LGI2: variants seen among roughly 807,000 people sequenced by gnomAD.
The protein encoded by LGI2 is leucine rich repeat LGI family member 2.
LGI2 carries 30 observed loss-of-function variants against 52.0 expected under a neutral mutation model. The ratio of observed to expected loss-of-function variants is 0.58; its 90% CI spans 0.43 to 0.78. The LOEUF (loss-of-function observed/expected upper bound fraction) is 0.78, where lower values mean the gene tolerates loss of function less well. LGI2 is among the 30% of genes least tolerant of loss of function. The pLI is 0.00. For synonymous variants in LGI2, 270 were observed against 271.8 expected (o/e 0.99, Z 0.06); for missense variants, 573 against 692.5 (o/e 0.83, Z 1.94).
intron 7 of LGI2, among the ~76,000 whole-genome samples, chr4:25,011,338 C>T (rs1322477479): frequency 1.3e-5 from 2 of 152,192 alleles, no homozygotes; most frequent in East Asian, 1.9e-4. Flanking sequence ...AAGAGCGTTA[C>T]TCTCCGGAAG....
Position 25,000,397 on chromosome 4 carries a change from C to A in LGI2, c.*3054G>T. The A allele has an allele frequency of 6.6e-6, 1 of 152,592 alleles. No individual in the cohort carries two copies. The highest frequency in any genetic ancestry group is 1.5e-5 in the Non-Finnish European group (1 of 68,324). 9.5% of individuals were successfully genotyped at this position (152,592 alleles called of 1,614,324 possible). ...CTCTCTGAAATTAGAATAATACCTG[C>A]CCTGCAATAAACTTCAGAGCTATTT... On this transcript the variant is annotated 3_prime_UTR_variant, in exon 8 of 8. Transcript: ENST00000382114.
intron 6 of LGI2, among the ~76,000 whole-genome samples, chr4:25,017,239 T>C (rs1725796515): frequency 6.6e-6 from 1 of 152,132 alleles, no homozygotes; most frequent in South Asian, 2.1e-4. Context: ...AAGTCATTTG[T>C]GGGTTTAAAA....
At chr4:25,009,448 A>T (rs1462120656) in intron 7 of LGI2, among the ~76,000 whole-genome samples, 2 of 151,966 alleles carry the variant, frequency 1.3e-5, no homozygotes, top group Non-Finnish European at 2.9e-5. Context: ...CAAGCCTTCA[A>T]ATCTTCCCAC....
At chr4:25,020,175 G>A (rs1725910457) in intron 4 of LGI2, among the ~76,000 whole-genome samples, 1 of 152,218 alleles carries the variant, frequency 6.6e-6, no homozygotes, top group Non-Finnish European at 1.5e-5. Context: ...CAACCGATCA[G>A]AATGTGTAGG....
chr4:25,019,164 T>C lies in LGI2; in HGVS notation c.485+3A>G, dbSNP rs758423635. 6.3e-7 allele frequency: 1 copy of C among 1,576,764 alleles called. No individual in the cohort carries two copies. Among genetic ancestry groups the C allele is most frequent in the Non-Finnish European group, 8.7e-7 (1 of 1,148,242 alleles). ...CACACATAAACTAAATTTCATTACTTACAGTTCAATCAGAGAGTCTAAATC... is the reference window on the plus strand; with the variant it reads ...CACACATAAACTAAATTTCATTACTCACAGTTCAATCAGAGAGTCTAAATC... On this transcript the variant is annotated splice_donor_region_variant and intron_variant, in intron 5 of 7. Coordinates refer to ENST00000382114, the MANE Select transcript of LGI2 (RefSeq NM_018176.4).
intron 7 of LGI2, 111 bp downstream of exon 7, chr4:25,012,224 A>G (rs1465888993): frequency 8.2e-6 from 10 of 1,220,954 alleles, no homozygotes; most frequent in Non-Finnish European, 1.2e-5. Context: ...CCCCAGCTCT[A>G]ACCAGGTTAG....
intron 6 of LGI2, among the ~76,000 whole-genome samples, chr4:25,014,022 A>G (rs536544440): frequency 4.8e-4 from 73 of 152,312 alleles, no homozygotes; most frequent in African/African-American, 1.3e-3. Context: ...TTTTCTGGGG[A>G]TATAAAAAGA....
chr4:25,007,599 GTGTGT>G (rs1725434546), intron 7 of LGI2, among the ~76,000 whole-genome samples: 1 of 151,390 alleles, frequency 6.6e-6, no homozygotes, highest in Non-Finnish European at 1.5e-5. Context: ...GTGTGTGTGT[GTGTGT>G]GTGTGTGTGT....
At chr4:25,024,738 A>T in intron 4 of LGI2, 82 bp downstream of exon 4, 1 of 910,794 alleles carries the variant, frequency 1.1e-6, no homozygotes, top group Non-Finnish European at 1.7e-6. Flanking sequence ...AGGGACAGTT[A>T]CAGCCAAGAA....
At chr4:25,026,794 C>G in intron 3 of LGI2, 74 bp downstream of exon 3, 2 of 1,179,430 alleles carry the variant, frequency 1.7e-6, no homozygotes, top group South Asian at 2.4e-5. Context: ...AGATGCTGTT[C>G]CAGCACAGAA....
At chr4:25,024,141 A>G (rs1478817850) in intron 4 of LGI2, among the ~76,000 whole-genome samples, 1 of 152,202 alleles carries the variant, frequency 6.6e-6, no homozygotes, top group Non-Finnish European at 1.5e-5. Context: ...CTCACAGATT[A>G]TTATGAAAGA....
chr4:24,993,753 TTC>T, the LGI2 span, among the ~76,000 whole-genome samples: 1 of 152,244 alleles, frequency 6.6e-6, no homozygotes, highest in Non-Finnish European at 1.5e-5. Context: ...TTGTCTATGA[TTC>T]CATGCTTAGA....
chr4:25,014,478 C>T (rs1187332140), intron 6 of LGI2, among the ~76,000 whole-genome samples: 1 of 40,068 alleles, frequency 2.5e-5, no homozygotes, highest in Non-Finnish European at 3.8e-5. Flanking sequence ...CCACCCCCGC[C>T]CCCGCCAAAA....
chr4:25,014,866 A>C (rs978359994), intron 6 of LGI2, among the ~76,000 whole-genome samples: 1 of 149,280 alleles, frequency 6.7e-6, no homozygotes, highest in Admixed American at 6.7e-5. Flanking sequence ...AGAGAGAGAG[A>C]GAGAGAATGA....
At chr4:25,016,164 A>T (rs1490978809) in intron 6 of LGI2, among the ~76,000 whole-genome samples, 1 of 151,968 alleles carries the variant, frequency 6.6e-6, no homozygotes, top group Non-Finnish European at 1.5e-5. Context: ...TCACTTTTAT[A>T]ACTATCCTCA....
At chr4:25,024,723 C>T in intron 4 of LGI2, 97 bp downstream of exon 4, 1 of 766,770 alleles carries the variant, frequency 1.3e-6, no homozygotes, top group Non-Finnish European at 2.1e-6. Flanking sequence ...AAATTCATTT[C>T]CTTCAGGGAC....
chr4:25,030,688 C>T lies in LGI2; in HGVS notation c.6G>A (p.Ala2=), dbSNP rs1726314671. The part of the protein sequence containing the change: M[A]LRRGGCGALG... ...GCGCTCCGCAGCCGCCTCTCCGCAGCGCCATGCCCGGTCCCCGCTCCCCGC... is the reference window on the plus strand; with the variant it reads ...GCGCTCCGCAGCCGCCTCTCCGCAGTGCCATGCCCGGTCCCCGCTCCCCGC... The change falls in exon 1 of 8, where the codon GCG becomes GCA. Residue 2 remains alanine (A), a synonymous_variant. Transcript: ENST00000382114. 2 of 1,374,350 alleles carry T rather than the reference C, an allele frequency of 1.5e-6. No individual in the cohort carries two copies. The highest frequency in any genetic ancestry group is 9.3e-7 in the Non-Finnish European group (1 of 1,070,446). The allele number at this position is 1,374,350 out of a possible 1,614,324, so 85.1% of individuals were successfully genotyped here.
intron 5 of LGI2, among the ~76,000 whole-genome samples, chr4:25,018,847 G>A (rs558175409): frequency 2.7e-5 from 4 of 150,816 alleles, no homozygotes; most frequent in African/African-American, 7.4e-5. Context: ...GGGCAACAGA[G>A]CAAGACTACA....
In LGI2 at chr4:25,017,973, G is replaced by T; in HGVS notation, c.655+16C>A. On this transcript the variant is annotated intron_variant, in intron 6 of 7. Coordinates refer to ENST00000382114, the MANE Select transcript of LGI2 (RefSeq NM_018176.4). ...TATTCTAAATATCCGTGTCTGATGAGATAGGCTCTGAATACCTGTAGTTGT... is the reference window on the plus strand; with the variant it reads ...TATTCTAAATATCCGTGTCTGATGATATAGGCTCTGAATACCTGTAGTTGT... The T allele has an allele frequency of 6.3e-7, 1 of 1,593,050 alleles. No individual in the cohort carries two copies. Among genetic ancestry groups the T allele is most frequent in the Non-Finnish European group, 8.5e-7 (1 of 1,171,792 alleles).
Sources: allele counts gnomAD v4.1 joint callset (sites outside exome capture counted in the v4.1 genomes callset), GRCh38; gene constraint gnomAD v4.1.1; transcripts MANE v1.5; gene names NCBI Gene and HGNC (gene_info 2026-07-23, HGNC 2026-07-21).